Variants in PACRG observed in about 807,000 individuals in gnomAD.
PACRG encodes the protein parkin coregulated gene protein.
A neutral mutation model predicts 29.7 loss-of-function variants in PACRG; 29 were observed. That is an observed-to-expected ratio of 0.98 (90% CI 0.73 to 1.33). PACRG has a LOEUF of 1.33. PACRG is among the 40% of genes most tolerant of loss of function. The pLI, the probability that PACRG is intolerant of heterozygous loss-of-function variation, is 0.00. For synonymous variants in PACRG, 116 were observed against 118.7 expected, an observed-to-expected ratio of 0.98 and a Z score of 0.15; for missense variants, 279 against 316.2, an observed-to-expected ratio of 0.88 and a Z score of 0.89.
intron 1 of PACRG, among the ~76,000 whole-genome samples, chr6:162,740,789 G>A (rs1157254641): frequency 6.8e-6 from 1 of 147,722 alleles, no homozygotes; most frequent in Non-Finnish European, 1.5e-5. Context: ...TAGTAGAAAC[G>A]GGGGTTTCAC....
chr6:162,765,215 T>A (rs1306426530), intron 1 of PACRG, among the ~76,000 whole-genome samples: 3 of 152,116 alleles, frequency 2.0e-5, no homozygotes, highest in African/African-American at 4.8e-5. Context: ...CCAACAAGGC[T>A]AAGATGCATT....
intron 3 of PACRG, among the ~76,000 whole-genome samples, chr6:163,071,104 T>G (rs1812004201): frequency 6.6e-6 from 1 of 152,108 alleles, no homozygotes; most frequent in Non-Finnish European, 1.5e-5. Flanking sequence ...ACCTGGAGAC[T>G]TCAACACCCC....
intron 2 of PACRG, among the ~76,000 whole-genome samples, chr6:162,939,632 T>A (rs1368200853): frequency 6.6e-6 from 1 of 151,806 alleles, no homozygotes; most frequent in Non-Finnish European, 1.5e-5. Context: ...TATTCTTTGT[T>A]CTCCTTATTC....
chr6:163,099,386 T>G (rs538341362), intron 4 of PACRG, among the ~76,000 whole-genome samples: 32 of 152,350 alleles, frequency 2.1e-4, no homozygotes, highest in African/African-American at 7.2e-4. Flanking sequence ...GGGCCCCAAG[T>G]GAGCAGGCAT....
intron 4 of PACRG, among the ~76,000 whole-genome samples, chr6:163,273,599 A>C (rs1783919949): frequency 6.6e-6 from 1 of 152,112 alleles, no homozygotes; most frequent in South Asian, 2.1e-4. Flanking sequence ...CCAAATTTCA[A>C]ATGTATTTGC....
At chr6:163,261,742 G>A (rs1045050162) in intron 4 of PACRG, among the ~76,000 whole-genome samples, 20 of 152,152 alleles carry the variant, frequency 1.3e-4, no homozygotes, top group African/African-American at 4.8e-4. Flanking sequence ...TCTTGTCATT[G>A]TTCCCTAAAC....
chr6:163,048,159 C>A (rs1406278995), intron 2 of PACRG, among the ~76,000 whole-genome samples: 1 of 152,008 alleles, frequency 6.6e-6, no homozygotes, highest in Non-Finnish European at 1.5e-5. Flanking sequence ...TTTTTCCCTT[C>A]CAATCTTTGC....
At chr6:163,049,353 A>G (rs887338033) in intron 2 of PACRG, among the ~76,000 whole-genome samples, 8 of 152,130 alleles carry the variant, frequency 5.3e-5, no homozygotes, top group African/African-American at 1.7e-4. Context: ...CAAATAGACT[A>G]GTGATTTAAA....
At chr6:163,059,305 A>G (rs1219367722) in intron 2 of PACRG, among the ~76,000 whole-genome samples, 1 of 152,106 alleles carries the variant, frequency 6.6e-6, no homozygotes, top group Non-Finnish European at 1.5e-5. Context: ...AATTTTGAGA[A>G]TAGGAATTAT....
chr6:163,121,305 G>A (rs1816255341), intron 4 of PACRG, among the ~76,000 whole-genome samples: 1 of 152,192 alleles, frequency 6.6e-6, no homozygotes, highest in Non-Finnish European at 1.5e-5. Flanking sequence ...GACTGTCAGT[G>A]CAATTGCCTT....
intron 1 of PACRG, among the ~76,000 whole-genome samples, chr6:162,729,133 A>C (rs1357923711): frequency 1.3e-5 from 2 of 152,216 alleles, no homozygotes; most frequent in African/African-American, 4.8e-5. Context: ...AGCTGTCTGC[A>C]TGATAGTATA....
chr6:163,101,855 A>C (rs1258849862), intron 4 of PACRG, among the ~76,000 whole-genome samples: 1 of 152,206 alleles, frequency 6.6e-6, no homozygotes, highest in African/African-American at 2.4e-5. Flanking sequence ...TTTTTATGAA[A>C]GTCTTTTTTC....
intron 2 of PACRG, among the ~76,000 whole-genome samples, chr6:162,885,632 A>G (rs1794269833): frequency 1.3e-5 from 2 of 152,304 alleles, no homozygotes; most frequent in South Asian, 4.1e-4. Context: ...ATCGTTGATG[A>G]AAATGTGATC....
intron 4 of PACRG, among the ~76,000 whole-genome samples, chr6:163,163,603 C>A (rs1210757535): frequency 6.6e-6 from 1 of 152,076 alleles, no homozygotes; most frequent in Non-Finnish European, 1.5e-5. Context: ...GATTTAAATG[C>A]CGAGGATTTT....
chr6:163,055,353 C>T lies in PACRG; in HGVS notation c.292-6797C>T, dbSNP rs1001081585. Among the ~76,000 whole-genome samples the T allele has an allele frequency of 5.9e-5, 9 of 151,682 alleles. No homozygotes were observed. The highest frequency in any genetic ancestry group is 2.6e-4 in the Admixed American group (4 of 15,232). Reference sequence around the variant, plus strand: ...GTGCACACACACATGCACACACACACGCACACACACGCACACATATACACA... The same window carrying T: ...GTGCACACACACATGCACACACACATGCACACACACGCACACATATACACA... On this transcript the variant is annotated intron_variant, in intron 2 of 4. Transcript: ENST00000366888. The surrounding 1 kb of genome is among the most constrained non-coding windows in gnomAD (Gnocchi z 4.0).
chr6:162,749,578 T>G (rs556283705), intron 1 of PACRG, among the ~76,000 whole-genome samples: 143 of 152,304 alleles, frequency 9.4e-4, no homozygotes, highest in African/African-American at 3.4e-3. Context: ...TGGAGTGCAA[T>G]GGCGTGATCT....
intron 4 of PACRG, among the ~76,000 whole-genome samples, chr6:163,123,550 T>C (rs1203606678): frequency 6.6e-6 from 1 of 152,226 alleles, no homozygotes; most frequent in Non-Finnish European, 1.5e-5. Context: ...GAATTTTAAG[T>C]GCACAATACC....
At chr6:162,895,593 C>A (rs1311817165) in intron 2 of PACRG, among the ~76,000 whole-genome samples, 1 of 152,242 alleles carries the variant, frequency 6.6e-6, no homozygotes, top group African/African-American at 2.4e-5. Flanking sequence ...TAATGCCTAA[C>A]ACTAAACAAG....
rs182839107 is a variant in PACRG at position 162,985,985 on chromosome 6, A to C, written c.292-76165A>C. On this transcript the variant is annotated intron_variant, in intron 2 of 4. Transcript: ENST00000366888. ...CTGCAAAAATAAAATAAAATAAAAT[A>C]CTTAGGAATGTACCTAACCAAGGAT... Among the ~76,000 whole-genome samples, 272 of 152,206 alleles carry C rather than the reference A, an allele frequency of 1.8e-3. 1 individual carries two copies. The highest frequency in any genetic ancestry group is 3.1e-3 in the Non-Finnish European group (210 of 67,996).
Sources: gnomAD v4.1 joint callset for allele counts (sites outside exome capture counted in the v4.1 genomes callset) on GRCh38, gnomAD v4.1.1 for gene constraint, Gnocchi (gnomAD v3.1) non-coding constraint, MANE v1.5 for transcripts, NCBI Gene and HGNC (gene_info 2026-07-23, HGNC 2026-07-21) for gene names.